Variants in TSEN2 observed in about 807,000 individuals in gnomAD.
TSEN2 encodes the protein tRNA splicing endonuclease subunit 2, also known as tRNA-splicing endonuclease subunit Sen2.
In TSEN2, 54 loss-of-function variants were observed where a neutral mutation model predicts 59.2. The observed-to-expected ratio is 0.91, with a 90% CI of 0.73 to 1.14. TSEN2 has a LOEUF of 1.14. Among genes scored for constraint, TSEN2 ranks in the 50% most tolerant of loss-of-function variants. The pLI is 0.00. For synonymous variants in TSEN2, 195 were observed against 198.2 expected, an observed-to-expected ratio of 0.98 and a Z score of 0.14; for missense variants, 636 against 576.2, an observed-to-expected ratio of 1.10 and a Z score of -1.06.
At chr3:12,517,094 T>C (rs1271744153) in intron 7 of TSEN2, among the ~76,000 whole-genome samples, 1 of 152,130 alleles carries the variant, frequency 6.6e-6, no homozygotes, top group Non-Finnish European at 1.5e-5. Flanking sequence ...ACGCCTGTAA[T>C]CCCAGCACAC....
rs546904336 is a variant in TSEN2 at position 12,523,526 on chromosome 3, C to CTTTTTTTTTT, written c.1099+4345_1099+4354dup. Among the ~76,000 whole-genome samples the CTTTTTTTTTT allele has an allele frequency of 2.5e-3, 114 of 46,472 alleles. 15 individuals carry two copies. The highest frequency in any genetic ancestry group is 3.7e-3 in the Non-Finnish European group (86 of 23,024). The allele number at this position is 46,472 out of a possible 152,430, so 30.5% of individuals were successfully genotyped here. On this transcript the variant is annotated intron_variant, in intron 8 of 11. Coordinates refer to ENST00000284995, the MANE Select transcript of TSEN2 (RefSeq NM_025265.4). ...CTTCTCCTCATCTTCCTCTTTGATT[C>CTTTTTTTTTT]TTTTTTTTTTTTTTTTTTTTTTTTT...
chr3:12,516,024 C>A (rs2056036333), intron 6 of TSEN2, among the ~76,000 whole-genome samples: 1 of 152,066 alleles, frequency 6.6e-6, no homozygotes, highest in Admixed American at 6.6e-5. Flanking sequence ...TGGAAACATT[C>A]ATAAAAATCT....
intron 6 of TSEN2, chr3:12,505,661 G>A (rs3864029): frequency 0.025 from 4,599 of 186,924 alleles, 90 homozygotes; most frequent in Non-Finnish European, 0.033. Flanking sequence ...GCTCATGCCT[G>A]TAATCCCGAC....
intron 6 of TSEN2, among the ~76,000 whole-genome samples, chr3:12,515,311 G>A (rs372423483): frequency 5.3e-5 from 8 of 152,200 alleles, no homozygotes; most frequent in African/African-American, 1.4e-4. Context: ...TTGTCAGTGC[G>A]TTGTTGCTGC....
chr3:12,492,940 T>C (rs1441490770), intron 3 of TSEN2, among the ~76,000 whole-genome samples: 1 of 152,206 alleles, frequency 6.6e-6, no homozygotes. Context: ...CCCCCATTCC[T>C]CTCTTTCCTC....
At chr3:12,509,345 A>G (rs2055186639) in intron 6 of TSEN2, among the ~76,000 whole-genome samples, 1 of 152,020 alleles carries the variant, frequency 6.6e-6, no homozygotes, top group Non-Finnish European at 1.5e-5. Context: ...AACTACAGGC[A>G]TGCACCATCA....
intron 8 of TSEN2, 57 bp downstream of exon 8, chr3:12,519,254 A>G: frequency 6.2e-7 from 1 of 1,603,366 alleles, no homozygotes; most frequent in Non-Finnish European, 8.5e-7. Flanking sequence ...GATTCACCCT[A>G]GAATATCAAA....
downstream of TSEN2, among the ~76,000 whole-genome samples, chr3:12,537,971 A>T (rs1409750075): frequency 6.6e-6 from 1 of 152,200 alleles, no homozygotes; most frequent in Admixed American, 6.5e-5. Context: ...GAATTCTTTC[A>T]TCTTTACCCT....
intron 6 of TSEN2, among the ~76,000 whole-genome samples, chr3:12,510,353 C>T (rs1042087115): frequency 6.6e-6 from 1 of 152,218 alleles, no homozygotes; most frequent in East Asian, 1.9e-4. Context: ...TTTGTTGATA[C>T]ATGTCGATTT....
At chr3:12,502,136 A>G (rs1364861515) in intron 4 of TSEN2, among the ~76,000 whole-genome samples, 1 of 152,232 alleles carries the variant, frequency 6.6e-6, no homozygotes, top group African/African-American at 2.4e-5. Context: ...AAGGGTTAGT[A>G]GGCACTGTGA....
At chr3:12,505,262 A>G in intron 6 of TSEN2, 31 bp downstream of exon 6, 2 of 1,437,302 alleles carry the variant, frequency 1.4e-6, no homozygotes, top group Non-Finnish European at 2.0e-6. Flanking sequence ...TATTTCAGCC[A>G]TCGGTCTCTG....
At position 12,489,863 on chromosome 3, in the gene TSEN2, TC is replaced by T; in HGVS notation, c.65del (p.Pro22HisfsTer13). On this transcript the variant is annotated frameshift_variant, in exon 2 of 12. Transcript: ENST00000284995. LOFTEE classifies it high-confidence loss of function. The stretch of plus-strand genomic sequence containing the variant: ...GAAGAGTGTATGAGACTTACGAGTC[TC>T]CATTGCCAATCCCTTTTGGTCAGGA... ...KRRVYETYES[P>X]LPIPFGQDHG... 6.2e-7 allele frequency: 1 copy of T among 1,614,082 alleles called. No individual in the cohort carries two copies. Among genetic ancestry groups the T allele is most frequent in the Non-Finnish European group, 8.5e-7 (1 of 1,180,020 alleles).
intron 8 of TSEN2, among the ~76,000 whole-genome samples, chr3:12,524,536 T>C (rs1253031148): frequency 2.0e-5 from 3 of 152,144 alleles, no homozygotes; most frequent in African/African-American, 4.8e-5. Flanking sequence ...CTTTCTCTTA[T>C]AAGGACACTT....
intron 8 of TSEN2, among the ~76,000 whole-genome samples, chr3:12,525,544 A>T (rs1374499071): frequency 2.6e-5 from 4 of 151,676 alleles, no homozygotes; most frequent in African/African-American, 9.7e-5. Context: ...TTCAGACCTT[A>T]TTTTTACTTT....
In TSEN2 at chr3:12,503,580, C is replaced by T. The variant is rs151022816; in HGVS notation, c.627C>T (p.Ser209=). Residue 209 remains serine (S), a synonymous_variant, in exon 5 of 12, where the codon AGC becomes AGT. Transcript: ENST00000284995. ...CHPTTESFEK[S]VREDASPLPH... ...CAACAACAGAGAGCTTTGAGAAAAG[C>T]GTGCGAGAGGATGCCTCACCTCTGC... 1.3e-5 allele frequency: 21 copies of T among 1,601,798 alleles called. No homozygotes were observed. Among genetic ancestry groups the T allele is most frequent in the African/African-American group, 1.1e-4 (8 of 74,582 alleles).
chr3:12,481,897 A>ATGTGTGTGTGTG (rs151178256), upstream of TSEN2, among the ~76,000 whole-genome samples: 10,110 of 150,048 alleles, frequency 0.067, 433 homozygotes, highest in Admixed American at 0.14. Context: ...CAGTTGATAT[A>ATGTGTGTGTGTG]TGTGTGTGTG....
chr3:12,481,594 C>G (rs2052194865), upstream of TSEN2, among the ~76,000 whole-genome samples: 1 of 152,114 alleles, frequency 6.6e-6, no homozygotes, highest in South Asian at 2.1e-4. Context: ...AAGAAATGTG[C>G]CTTATTGGAG....
At chr3:12,530,490 A>G in intron 10 of TSEN2, 1 of 985,494 alleles carries the variant, frequency 1.0e-6, no homozygotes, top group Non-Finnish European at 1.2e-6. Context: ...GACTCAGCTT[A>G]CACAAGGACT....
intron 1 of TSEN2, among the ~76,000 whole-genome samples, chr3:12,488,319 T>C (rs1286968420): frequency 6.6e-6 from 1 of 152,164 alleles, no homozygotes; most frequent in Non-Finnish European, 1.5e-5. Context: ...TGTGTATGAT[T>C]TGGCCGCACT....
Sources: gnomAD v4.1 joint callset for allele counts (sites outside exome capture counted in the v4.1 genomes callset) on GRCh38, gnomAD v4.1.1 for gene constraint, MANE v1.5 for transcripts, NCBI Gene and HGNC (gene_info 2026-07-23, HGNC 2026-07-21) for gene names.